SDK1: variants seen among roughly 807,000 people sequenced by gnomAD.
The protein encoded by SDK1 is sidekick cell adhesion molecule 1.
In SDK1, 157 loss-of-function variants were observed where a neutral mutation model predicts 245.5. The ratio of observed to expected loss-of-function variants is 0.64; its 90% CI spans 0.56 to 0.73. The LOEUF (loss-of-function observed/expected upper bound fraction) is 0.73, where lower values mean the gene tolerates loss of function less well. SDK1 is among the 30% of genes least tolerant of loss of function. The pLI is 0.00. For missense variants in SDK1, 3,583 were observed against 3,002.3 expected (o/e 1.19, Z -4.52); for synonymous variants, 1,647 against 1,278.5 (o/e 1.29, Z -6.15).
intron 14 of SDK1, among the ~76,000 whole-genome samples, chr7:4,001,903 G>A (rs954798978): frequency 2.0e-5 from 3 of 152,178 alleles, no homozygotes; most frequent in African/African-American, 7.2e-5. Flanking sequence ...CCACGAACAG[G>A]TCTCTCTCAC....
intron 13 of SDK1, among the ~76,000 whole-genome samples, chr7:3,984,997 CA>C (rs1283803705): frequency 6.6e-6 from 1 of 152,216 alleles, no homozygotes; most frequent in African/African-American, 2.4e-5. Context: ...AGAGTTGAAT[CA>C]CTGGCTGCAT....
At chr7:4,180,383 C>G (rs1021622854) in intron 35 of SDK1, among the ~76,000 whole-genome samples, 13 of 149,696 alleles carry the variant, frequency 8.7e-5, no homozygotes, top group Non-Finnish European at 1.5e-4. Flanking sequence ...GCGCCTGGCT[C>G]CAGCTCTATG....
intron 4 of SDK1, among the ~76,000 whole-genome samples, chr7:3,683,820 C>A (rs1219946163): frequency 6.6e-6 from 1 of 152,202 alleles, no homozygotes; most frequent in Non-Finnish European, 1.5e-5. Flanking sequence ...TAATCTGGAA[C>A]TAGCAATGGA....
intron 1 of SDK1, among the ~76,000 whole-genome samples, chr7:3,471,528 A>G (rs1218357544): frequency 4.6e-5 from 7 of 152,190 alleles, no homozygotes; most frequent in East Asian, 1.9e-4. Context: ...AAAGTTAGCA[A>G]TATGAGCCGT....
At chr7:4,023,371 T>C (rs1787085456) in intron 17 of SDK1, among the ~76,000 whole-genome samples, 1 of 152,182 alleles carries the variant, frequency 6.6e-6, no homozygotes, top group South Asian at 2.1e-4. Flanking sequence ...AAAGCTCTAA[T>C]ACAGTTTCAG....
At chr7:3,642,583 A>G (rs1170529250) in intron 4 of SDK1, among the ~76,000 whole-genome samples, 1 of 152,104 alleles carries the variant, frequency 6.6e-6, no homozygotes, top group Non-Finnish European at 1.5e-5. Context: ...TTATCCTACC[A>G]TGACAGTTTT....
rs116815793 is a variant in SDK1 at position 3,744,438 on chromosome 7, C to T, written c.714-77012C>T. On this transcript the variant is annotated intron_variant, in intron 4 of 44. Transcript: ENST00000404826. ...ACATATACTAGGTATCCAGTAAATC[C>T]GATCAATGAATTCATACAGTATAAC... 3.0e-3 allele frequency among the ~76,000 whole-genome samples: 463 copies of T among 152,022 alleles called. 6 individuals carry two copies. Among genetic ancestry groups the T allele is most frequent in the African/African-American group, 0.011 (441 of 41,440 alleles).
At chr7:3,576,455 G>C (rs777847354) in intron 1 of SDK1, among the ~76,000 whole-genome samples, 1 of 152,040 alleles carries the variant, frequency 6.6e-6, no homozygotes, top group Non-Finnish European at 1.5e-5. Context: ...ATTGAGCAAA[G>C]AAGTCCCCGT....
chr7:3,848,486 G>T (rs371834910), intron 5 of SDK1, among the ~76,000 whole-genome samples: 18 of 152,114 alleles, frequency 1.2e-4, no homozygotes, highest in Admixed American at 1.1e-3. Flanking sequence ...AGTCAGGCAG[G>T]CTTCTTGAGC....
At chr7:4,245,237 C>G (rs1427503102) in intron 43 of SDK1, among the ~76,000 whole-genome samples, 2 of 152,320 alleles carry the variant, frequency 1.3e-5, no homozygotes, top group African/African-American at 4.8e-5. Context: ...CCAATTCCCT[C>G]TCATCTGTAG....
At chr7:3,691,062 G>C (rs1784426062) in intron 4 of SDK1, among the ~76,000 whole-genome samples, 1 of 152,088 alleles carries the variant, frequency 6.6e-6, no homozygotes, top group South Asian at 2.1e-4. Flanking sequence ...CAACTTATTA[G>C]AGAAAAATAC....
At chr7:3,403,533 A>T (rs1360508099) in intron 1 of SDK1, among the ~76,000 whole-genome samples, 3 of 151,990 alleles carry the variant, frequency 2.0e-5, no homozygotes, top group Non-Finnish European at 4.4e-5. Context: ...TAGCAGCTTA[A>T]TGACTTTGGT....
intron 4 of SDK1, among the ~76,000 whole-genome samples, chr7:3,731,596 T>C (rs1315404225): frequency 6.6e-6 from 1 of 152,146 alleles, no homozygotes; most frequent in Admixed American, 6.5e-5. Context: ...CTGGACTAGG[T>C]GTTTTAAGTA....
At chr7:3,630,604 C>T (rs1441365153) in intron 2 of SDK1, among the ~76,000 whole-genome samples, 3 of 152,000 alleles carry the variant, frequency 2.0e-5, no homozygotes, top group Admixed American at 2.0e-4. Flanking sequence ...CCATTGCCCT[C>T]CAGCTTGGGT....
At chr7:3,480,616 T>C (rs1335762064) in intron 1 of SDK1, among the ~76,000 whole-genome samples, 2 of 152,258 alleles carry the variant, frequency 1.3e-5, no homozygotes, top group Admixed American at 6.5e-5. Flanking sequence ...TCTCATTTTT[T>C]CCTTTTAAAA....
intron 4 of SDK1, among the ~76,000 whole-genome samples, chr7:3,661,084 A>C (rs753567457): frequency 1.3e-5 from 2 of 152,190 alleles, no homozygotes; most frequent in Non-Finnish European, 2.9e-5. Flanking sequence ...AAAATCATTG[A>C]GAATCCGTTA....
rs545365568 is a variant in SDK1, at chr7:3,515,337, G to A, written c.299-103743G>A. 9.6e-4 allele frequency among the ~76,000 whole-genome samples: 146 copies of A among 152,228 alleles called. No individual in the cohort carries two copies. The South Asian group carries it at 0.017, about 18-fold the overall frequency. On this transcript the variant is annotated intron_variant, in intron 1 of 44. Transcript: ENST00000404826. ...CTATATTAAATTCAGAAAGAAGTAA[G>A]GCTGACCAGCAAGACTTGGGAGGGC...
intron 5 of SDK1, among the ~76,000 whole-genome samples, chr7:3,901,739 C>G (rs529577935): frequency 2.0e-5 from 3 of 152,190 alleles, no homozygotes; most frequent in Non-Finnish European, 4.4e-5. Context: ...ACTATTACCA[C>G]GATGTTTGTG....
intron 4 of SDK1, among the ~76,000 whole-genome samples, chr7:3,658,278 T>A (rs944065080): frequency 6.6e-6 from 1 of 152,176 alleles, no homozygotes; most frequent in Non-Finnish European, 1.5e-5. Flanking sequence ...CCAAGCCTGG[T>A]TCTGTCTAAT....
Sources: gnomAD v4.1 joint callset for allele counts (sites outside exome capture counted in the v4.1 genomes callset) on GRCh38, gnomAD v4.1.1 for gene constraint, MANE v1.5 for transcripts, NCBI Gene and HGNC (gene_info 2026-07-23, HGNC 2026-07-21) for gene names.